The following ABL1 variants were observed in gnomAD, a reference collection of about 807,000 sequenced individuals.
ABL1 encodes the protein tyrosine-protein kinase ABL1.
Under a neutral mutation model 94.7 loss-of-function variants are expected in ABL1, and 11 were observed. That is an observed-to-expected ratio of 0.12 (90% CI 0.07 to 0.19). The LOEUF (loss-of-function observed/expected upper bound fraction) is 0.19, where lower values mean the gene tolerates loss of function less well. ABL1 is among the 10% of genes least tolerant of loss of function. The pLI is 1.00. For missense variants in ABL1, 1,082 were observed against 1,489.4 expected (o/e 0.73, Z 4.50); for synonymous variants, 656 against 622.4 (o/e 1.05, Z -0.80).
rs536473913 is a variant in ABL1, at chr9:130,814,646, G to A, written c.137-39418G>A. Among the ~76,000 whole-genome samples the A allele has an allele frequency of 3.3e-5, 5 of 152,344 alleles. No individual in the cohort carries two copies. The highest frequency in any genetic ancestry group is 1.2e-4 in the African/African-American group (5 of 41,580). Reference sequence around the variant, plus strand: ...TAATCCCAGCACTTTGGTAGGCCGAGGTGGGCGGATCACGAGGTCAGGAGA... The same window carrying A: ...TAATCCCAGCACTTTGGTAGGCCGAAGTGGGCGGATCACGAGGTCAGGAGA... On this transcript the variant is annotated intron_variant, in intron 1 of 10. Coordinates refer to the ABL1 transcript ENST00000372348. This position sits in a 1 kb window ranked among gnomAD's most constrained non-coding sequence, Gnocchi z 4.4.
chr9:130,769,752 A>G (rs1564285316), intron 1 of ABL1, among the ~76,000 whole-genome samples: 1 of 152,156 alleles, frequency 6.6e-6, no homozygotes, highest in Non-Finnish European at 1.5e-5. Context: ...ACTTTGACAA[A>G]TACATACACT....
chr9:130,756,067 CAAAG>C (rs1832037810), intron 1 of ABL1, among the ~76,000 whole-genome samples: 1 of 152,102 alleles, frequency 6.6e-6, no homozygotes, highest in African/African-American at 2.4e-5. Flanking sequence ...AGTATTATTT[CAAAG>C]GAAGCATGTC....
At chr9:130,729,715 A>G (rs1831636867) in intron 1 of ABL1, among the ~76,000 whole-genome samples, 1 of 152,036 alleles carries the variant, frequency 6.6e-6, no homozygotes, top group Non-Finnish European at 1.5e-5. Context: ...TTATGGACAG[A>G]AGCAGAAGTT....
intron 1 of ABL1, among the ~76,000 whole-genome samples, chr9:130,845,776 T>G (rs552159355): frequency 2.6e-5 from 4 of 151,826 alleles, no homozygotes; most frequent in Non-Finnish European, 1.5e-5. Flanking sequence ...TTTCAAAAAG[T>G]CTTTTGAGGA....
At chr9:130,793,304 AT>A (rs1288051175) in intron 1 of ABL1, among the ~76,000 whole-genome samples, 1 of 152,072 alleles carries the variant, frequency 6.6e-6, no homozygotes, top group Non-Finnish European at 1.5e-5. Context: ...GTATTGATGG[AT>A]TTCTTTAAAA....
rs753899020 is a variant in ABL1, at chr9:130,885,280, C to T, written c.2990C>T (p.Pro997Leu). ...TCCTCGGCCCTGGCAGGGGACCAGC[C>T]GTCTTCCACCGCCTTCATCCCTCTC... ...SASSALAGDQ[P>L]SSTAFIPLIS... Residue 997 changes from proline to leucine, a missense_variant, in exon 11 of 11, where the codon CCG (proline) becomes CTG (leucine). Physicochemically the swap from Pro to Leu is moderately conservative, Grantham distance 98. Around this residue, in one of 7 missense-constraint regions of ABL1, gnomAD observed 780 missense variants for 835.8 expected, o/e 0.93. Transcript: ENST00000318560. The T allele has an allele frequency of 2.9e-5, 46 of 1,613,696 alleles. No individual in the cohort carries two copies. The highest frequency in any genetic ancestry group is 4.5e-5 in the East Asian group (2 of 44,888).
chr9:130,742,421 G>A (rs1831831675), intron 1 of ABL1, among the ~76,000 whole-genome samples: 1 of 152,120 alleles, frequency 6.6e-6, no homozygotes, highest in Admixed American at 6.5e-5. Context: ...AGTGCATTGG[G>A]AAAACTGGAG....
At chr9:130,828,735 A>G (rs1830458834) in intron 1 of ABL1, among the ~76,000 whole-genome samples, 1 of 152,192 alleles carries the variant, frequency 6.6e-6, no homozygotes, top group Non-Finnish European at 1.5e-5. Context: ...AGAAAATTAG[A>G]AACTCAATCC....
At chr9:130,735,659 T>C (rs1386644135) in intron 1 of ABL1, among the ~76,000 whole-genome samples, 1 of 151,862 alleles carries the variant, frequency 6.6e-6, no homozygotes, top group Non-Finnish European at 1.5e-5. Context: ...ATGGCTGCAT[T>C]GAATTCCACT....
chr9:130,855,826 T>C (rs930255158), intron 3 of ABL1, among the ~76,000 whole-genome samples: 9 of 152,200 alleles, frequency 5.9e-5, no homozygotes, highest in Non-Finnish European at 1.2e-4. Context: ...GAGTCACTGA[T>C]GGAATAGGCT....
At chr9:130,783,822 A>AT (rs1165250325) in intron 1 of ABL1, among the ~76,000 whole-genome samples, 1 of 151,882 alleles carries the variant, frequency 6.6e-6, no homozygotes, top group African/African-American at 2.4e-5. Flanking sequence ...CGCCCAGCTA[A>AT]TTTTTGTATT....
rs1009750524 is a variant in ABL1, at chr9:130,837,486, A to G, written c.79+1961A>G. Among the ~76,000 whole-genome samples the G allele has an allele frequency of 6.6e-5, 10 of 151,840 alleles. 1 individual carries two copies. The highest frequency in any genetic ancestry group is 2.1e-4 in the South Asian group (1 of 4,802). On this transcript the variant is annotated intron_variant, in intron 1 of 10. Transcript: ENST00000318560. Reference sequence around the variant, plus strand: ...TGGCTGGTTTAATTATTGTTTTGGGAAAAAAATCTAAAACTCATTCCAACA... The same window carrying G: ...TGGCTGGTTTAATTATTGTTTTGGGGAAAAAATCTAAAACTCATTCCAACA...
intron 1 of ABL1, among the ~76,000 whole-genome samples, chr9:130,818,657 T>C (rs1303341273): frequency 6.6e-6 from 1 of 152,216 alleles, no homozygotes; most frequent in African/African-American, 2.4e-5. Flanking sequence ...ATGGTGTATG[T>C]GGTGCCAGGT....
At chr9:130,837,443 G>A (rs1052877627) in intron 1 of ABL1, among the ~76,000 whole-genome samples, 1 of 152,132 alleles carries the variant, frequency 6.6e-6, no homozygotes, top group South Asian at 2.1e-4. Context: ...GGAGTAAACC[G>A]GAGATTTAGT....
intron 1 of ABL1, among the ~76,000 whole-genome samples, chr9:130,825,677 G>C (rs1433797488): frequency 1.3e-5 from 2 of 152,176 alleles, no homozygotes; most frequent in African/African-American, 4.8e-5. Context: ...ACAAGACTTA[G>C]TGATTTAAAA....
intron 1 of ABL1, among the ~76,000 whole-genome samples, chr9:130,810,451 G>T (rs951079587): frequency 6.6e-6 from 1 of 152,084 alleles, no homozygotes; most frequent in African/African-American, 2.4e-5. Flanking sequence ...AGCCAAGATC[G>T]TACCACTGCA....
At chr9:130,726,018 TA>T (rs1002928221) in intron 1 of ABL1, among the ~76,000 whole-genome samples, 9 of 148,086 alleles carry the variant, frequency 6.1e-5, no homozygotes, top group Non-Finnish European at 9.0e-5. Flanking sequence ...CTGGCTAATT[TA>T]AAAAAAAAAT....
Position 130,836,091 on chromosome 9 carries a change from T to C in ABL1, c.79+566T>C, listed in dbSNP as rs1275926348. ...TATGGATACAGAATTTCAAGTGATC[T>C]TTCCATCTCCCCCACCCCCATCTTA... On this transcript the variant is annotated intron_variant, in intron 1 of 10. Transcript: ENST00000318560. Among the ~76,000 whole-genome samples the C allele has an allele frequency of 2.0e-5, 3 of 152,370 alleles. No homozygotes were observed. In the East Asian group the frequency reaches 5.8e-4, roughly 29 times the overall value.
chr9:130,823,456 C>G (rs1286241738), intron 1 of ABL1, among the ~76,000 whole-genome samples: 1 of 152,120 alleles, frequency 6.6e-6, no homozygotes, highest in Admixed American at 6.6e-5. Flanking sequence ...AAAATAGGAG[C>G]AATTCAAACA....
Sources: gnomAD v4.1 joint callset for allele counts (sites outside exome capture counted in the v4.1 genomes callset) on GRCh38, gnomAD v4.1.1 for gene constraint, gnomAD v4.1.1 regional missense constraint, Gnocchi (gnomAD v3.1) non-coding constraint, MANE v1.5 for transcripts, NCBI Gene and HGNC (gene_info 2026-07-23, HGNC 2026-07-21) for gene names.